Variants in TNFAIP8 observed in about 807,000 individuals in gnomAD.
The protein encoded by TNFAIP8 is tumor necrosis factor alpha-induced protein 8.
TNFAIP8 carries 7 observed loss-of-function variants against 13.3 expected under a neutral mutation model. The observed-to-expected ratio is 0.52, with a 90% CI of 0.30 to 0.99. The LOEUF (loss-of-function observed/expected upper bound fraction) is 0.99. TNFAIP8 is among the 50% of genes least tolerant of loss of function. The probability of loss-of-function intolerance (pLI) is 0.07; values close to 1 mark genes in which losing one functional copy is unlikely to be tolerated. For missense variants in TNFAIP8, 258 were observed against 236.9 expected, an observed-to-expected ratio of 1.09 and a Z score of -0.58; for synonymous variants, 94 against 87.6, an observed-to-expected ratio of 1.07 and a Z score of -0.41.
At chr5:119,328,301 CTG>C (rs1005839658) in intron 1 of TNFAIP8, among the ~76,000 whole-genome samples, 2 of 152,112 alleles carry the variant, frequency 1.3e-5, no homozygotes, top group African/African-American at 4.8e-5. Flanking sequence ...GCATGAGCCA[CTG>C]TGTCCAGCCT....
At position 119,373,523 on chromosome 5, in the gene TNFAIP8, A is replaced by G. The variant is rs551394375; in HGVS notation, c.31+17402A>G. Among the ~76,000 whole-genome samples the G allele has an allele frequency of 4.6e-5, 7 of 152,298 alleles. No individual in the cohort carries two copies. The South Asian group carries it at 1.5e-3, about 32-fold the overall frequency. ...TGTGGAAGACCTGTTGCTGCTGTTG[A>G]GTAGTTTTCAGTCTAGAGGAGTTAA... On this transcript the variant is annotated intron_variant, in intron 1 of 1. Coordinates refer to ENST00000504771, the MANE Select transcript of TNFAIP8 (RefSeq NM_014350.4).
At chr5:119,385,981 G>T (rs1282854502) in intron 1 of TNFAIP8, among the ~76,000 whole-genome samples, 1 of 152,190 alleles carries the variant, frequency 6.6e-6, no homozygotes, top group Non-Finnish European at 1.5e-5. Flanking sequence ...CCGAGTACCA[G>T]TAATATCCCT....
At position 119,281,306 on chromosome 5, in the gene TNFAIP8, A is replaced by ACACACACACACACACTCTCTCT; in HGVS notation, c.1+12400_1+12401insACACACACACACACTCTCTCTC. On this transcript the variant is annotated intron_variant, in intron 1 of 1. Coordinates refer to the TNFAIP8 transcript ENST00000274456. ...CACACATACACACACACACACACAC[A>ACACACACACACACACTCTCTCT]CTCTCTCTCTCTCACACTTACATGC... Among the ~76,000 whole-genome samples the ACACACACACACACACTCTCTCT allele has an allele frequency of 5.1e-3, 581 of 114,150 alleles. 14 individuals carry two copies. The highest frequency in any genetic ancestry group is 0.011 in the South Asian group (34 of 3,010). The allele number at this position is 114,150 out of a possible 152,430, so 74.9% of individuals were successfully genotyped here. A position where few individuals can be genotyped will look rare whatever the true frequency, so the allele number is the denominator to read the frequency against.
In TNFAIP8 at chr5:119,341,343, A is replaced by AG. The variant is rs1380714325; in HGVS notation, c.2-51472dup. ...ATAGTGCTCTATGTGAACAATCTCA[A>AG]GTCGTGAGACCTGTGGTAAATTTAG... is the stretch of plus-strand genomic sequence containing the variant. On this transcript the variant is annotated intron_variant, in intron 1 of 1. Coordinates refer to the TNFAIP8 transcript ENST00000274456. Among the ~76,000 whole-genome samples the AG allele has an allele frequency of 3.3e-5, 5 of 152,338 alleles. No individual in the cohort carries two copies. In the South Asian group the frequency reaches 1.0e-3, roughly 32 times the overall value.
intron 1 of TNFAIP8, among the ~76,000 whole-genome samples, chr5:119,384,706 T>C (rs1469993151): frequency 6.6e-6 from 1 of 152,200 alleles, no homozygotes. Context: ...ATTTTGAGAC[T>C]GACAGTCTTT....
intron 1 of TNFAIP8, among the ~76,000 whole-genome samples, chr5:119,313,393 G>A (rs1581596353): frequency 6.6e-6 from 1 of 152,326 alleles, no homozygotes; most frequent in Middle Eastern, 3.4e-3. Flanking sequence ...CCAGGGTGGA[G>A]GGAGAGAAGG....
chr5:119,355,368 C>A (rs1206984357), upstream of TNFAIP8: 1 of 702,450 alleles, frequency 1.4e-6, no homozygotes, highest in Admixed American at 2.0e-5. Context: ...GAGTAAGCAG[C>A]CCCGTCTGCT....
chr5:119,297,321 G>GT (rs1749209673), intron 1 of TNFAIP8, among the ~76,000 whole-genome samples: 1 of 152,088 alleles, frequency 6.6e-6, no homozygotes, highest in South Asian at 2.1e-4. Context: ...GTTCTCGTTG[G>GT]TTTCAAAGAA....
chr5:119,277,844 G>A (rs1748505696), intron 1 of TNFAIP8, among the ~76,000 whole-genome samples: 3 of 152,262 alleles, frequency 2.0e-5, no homozygotes, highest in Non-Finnish European at 1.5e-5. Context: ...TTCTTGCTGT[G>A]TCCTCACATG....
intron 1 of TNFAIP8, among the ~76,000 whole-genome samples, chr5:119,287,909 A>C (rs1241733422): frequency 6.6e-6 from 1 of 151,498 alleles, no homozygotes; most frequent in Non-Finnish European, 1.5e-5. Context: ...AGGAATTTTT[A>C]GGAGGAGACC....
At chr5:119,333,412 T>C in intron 1 of TNFAIP8, 1 of 1,363,962 alleles carries the variant, frequency 7.3e-7, no homozygotes, top group Non-Finnish European at 9.4e-7. Context: ...GTGCCTTCTG[T>C]GCATTTATGT....
chr5:119,388,242 A>G (rs1357471169), intron 1 of TNFAIP8, among the ~76,000 whole-genome samples: 1 of 152,256 alleles, frequency 6.6e-6, no homozygotes. Flanking sequence ...GATGACAGTA[A>G]GAGAAATCAT....
chr5:119,333,149 A>T (rs1750437085), intron 1 of TNFAIP8: 1 of 951,946 alleles, frequency 1.1e-6, no homozygotes, highest in Non-Finnish European at 1.2e-6. Flanking sequence ...TAGCATGTTG[A>T]AACGTTAGAC....
chr5:119,392,957 C>G lies in TNFAIP8; in HGVS notation c.173C>G (p.Thr58Ser), dbSNP rs1478930519. The G allele has an allele frequency of 6.2e-7, 1 of 1,611,130 alleles. No individual in the cohort carries two copies. The highest frequency in any genetic ancestry group is 1.1e-5 in the South Asian group (1 of 90,480). ...GTGCTGGATGAGCTCTACAGAGTGA[C>G]CAGGGAGTACACCCAAAACAAGAAG... ...SEVLDELYRVTREYTQNKKEA... is the reference protein window; with the variant it reads ...SEVLDELYRVSREYTQNKKEA... The change falls in exon 2 of 2, where the codon ACC (threonine) becomes AGC (serine). Residue 58 changes from threonine (T) to serine (S), a missense_variant. By Grantham distance (58) the Thr-to-Ser change is moderately conservative. Coordinates refer to ENST00000504771, the MANE Select transcript of TNFAIP8 (RefSeq NM_014350.4).
At chr5:119,360,567 C>T (rs1468405604) in intron 1 of TNFAIP8, among the ~76,000 whole-genome samples, 2 of 152,192 alleles carry the variant, frequency 1.3e-5, no homozygotes, top group African/African-American at 4.8e-5. Flanking sequence ...GAGCTAAAAG[C>T]GACTTTGCCA....
chr5:119,393,034 A>G lies in TNFAIP8; in HGVS notation c.250A>G (p.Ile84Val). 1.2e-6 allele frequency: 2 copies of G among 1,613,630 alleles called. No individual in the cohort carries two copies. Among genetic ancestry groups the G allele is most frequent in the Non-Finnish European group, 1.7e-6 (2 of 1,179,730 alleles). Residue 84 changes from isoleucine (I) to valine (V), a missense_variant, in exon 2 of 2, where the codon ATT (isoleucine) becomes GTT (valine). Coordinates refer to ENST00000504771, the MANE Select transcript of TNFAIP8 (RefSeq NM_014350.4). ...CATCAAGACAGTCATCAAGCTGGCC[A>G]TTCTTTATAGGAATAATCAGTTTAA... is the stretch of plus-strand genomic sequence containing the variant. ...NLIKTVIKLA[I>V]LYRNNQFNQD... is the part of the protein sequence containing the mutation.
intron 1 of TNFAIP8, among the ~76,000 whole-genome samples, chr5:119,308,581 C>T (rs760937125): frequency 6.6e-6 from 1 of 152,008 alleles, no homozygotes; most frequent in Non-Finnish European, 1.5e-5. Context: ...TAAGACCATT[C>T]TAGGCTGGGC....
chr5:119,329,372 A>G (rs1750309894), intron 1 of TNFAIP8, among the ~76,000 whole-genome samples: 1 of 152,198 alleles, frequency 6.6e-6, no homozygotes, highest in Non-Finnish European at 1.5e-5. Context: ...TGGGCAGGCA[A>G]CGTGAATGGC....
chr5:119,312,180 G>T (rs1188204332), intron 1 of TNFAIP8, among the ~76,000 whole-genome samples: 1 of 152,158 alleles, frequency 6.6e-6, no homozygotes, highest in African/African-American at 2.4e-5. Context: ...TGGGATTCTA[G>T]CTGGGAATGG....
Sources: gnomAD v4.1 joint callset for allele counts (sites outside exome capture counted in the v4.1 genomes callset) on GRCh38, gnomAD v4.1.1 for gene constraint, MANE v1.5 for transcripts, NCBI Gene and HGNC (gene_info 2026-07-23, HGNC 2026-07-21) for gene names.